The following HUWE1 variants were observed in gnomAD, a reference collection of about 807,000 sequenced individuals.
HUWE1 encodes the protein HECT, UBA and WWE domain containing E3 ubiquitin protein ligase 1.
In HUWE1, 18 loss-of-function variants were observed where a neutral mutation model predicts 299.4. The observed-to-expected ratio is 0.06, with a 90% CI of 0.04 to 0.09. HUWE1 has a LOEUF of 0.09. HUWE1 is among the 10% of genes least tolerant of loss of function. The pLI is 1.00. For synonymous variants in HUWE1, 1,317 were observed against 1,286.1 expected (o/e 1.02, Z -0.51); for missense variants, 1,832 against 3,462.3 (o/e 0.53, Z 11.82).
At chrX:53,633,078 C>T (rs782419781) in intron 8 of HUWE1, among the ~76,000 whole-genome samples, 1 of 112,497 alleles carries the variant, frequency 8.9e-6, no homozygotes, top group Non-Finnish European at 1.9e-5. Flanking sequence ...TCCTTCTATA[C>T]CATTCTACAC....
intron 3 of HUWE1, among the ~76,000 whole-genome samples, chrX:53,672,259 CCTTA>C (rs1193449611): frequency 3.7e-5 from 4 of 106,973 alleles, no homozygotes; most frequent in South Asian, 4.1e-4. Context: ...TTGTAGATGT[CCTTA>C]CTTTTTTTTT....
At chrX:53,658,048 T>TAAAAAAAAAAAAAAAAAA (rs1557043764) in intron 3 of HUWE1, among the ~76,000 whole-genome samples, 1 of 1,471 alleles carries the variant, frequency 6.8e-4, no homozygotes, top group African/African-American at 1.8e-3. Context: ...AGACTCCGTC[T>TAAAAAAAAAAAAAAAAAA]CAAAAAAAAA....
chrX:53,591,033 G>C lies in HUWE1; in HGVS notation c.4062C>G (p.Thr1354=). Residue 1354 remains threonine (T), a synonymous_variant, in exon 34 of 84, where the codon ACC becomes ACG. Transcript: ENST00000262854. ...TMEQATEYLL[T]HPPPIMGGVV... Reference sequence around the variant, plus strand: ...CTCCTCCCATGATTGGAGGAGGGTGGGTTAAAAGGTACTCTGTGGCCTGCT... The same window carrying C: ...CTCCTCCCATGATTGGAGGAGGGTGCGTTAAAAGGTACTCTGTGGCCTGCT... 8.3e-7 allele frequency: 1 copy of C among 1,210,524 alleles called. No individual in the cohort carries two copies. The highest frequency in any genetic ancestry group is 1.1e-6 in the Non-Finnish European group (1 of 894,916).
intron 60 of HUWE1, chrX:53,556,112 C>A (rs1021135041): frequency 3.2e-6 from 1 of 313,238 alleles, no homozygotes. Flanking sequence ...TGACATCTGC[C>A]TCACCCTAAA....
At chrX:53,568,637 T>C in intron 49 of HUWE1, 55 bp downstream of exon 49, 1 of 1,112,522 alleles carries the variant, frequency 9.0e-7, no homozygotes, top group South Asian at 1.9e-5. Flanking sequence ...CTCCACATCA[T>C]TCGTGTAGTG....
Position 53,551,255 on chromosome X carries a change from C to A in HUWE1, c.9096+11G>T. The A allele has an allele frequency of 8.3e-7, 1 of 1,210,326 alleles. No individual in the cohort carries two copies. Among genetic ancestry groups the A allele is most frequent in the Non-Finnish European group, 1.1e-6 (1 of 894,618 alleles). ...AGGCAGCCTGGCCCCACCACCTTCC[C>A]GCTCACATACTTCCTCCTGAATGGC... is the stretch of plus-strand genomic sequence containing the variant. On this transcript the variant is annotated intron_variant, in intron 64 of 83. Transcript: ENST00000262854.
intron 2 of HUWE1, among the ~76,000 whole-genome samples, chrX:53,683,155 A>C (rs1361157290): frequency 1.8e-5 from 2 of 111,015 alleles, no homozygotes; most frequent in Non-Finnish European, 3.8e-5. Flanking sequence ...CTTAGGCTAA[A>C]CTCGAATTTA....
chrX:53,604,560 A>G (rs1206408564), intron 26 of HUWE1, 29 bp downstream of exon 26: 2 of 1,203,057 alleles, frequency 1.7e-6, no homozygotes, highest in African/African-American at 3.5e-5. Context: ...CCTTTAAATT[A>G]ATATGTTCAC....
rs140132176 is a variant in HUWE1 at position 53,550,752 on chromosome X, T to C, written c.9402A>G (p.Leu3134=). 29 of 1,209,763 alleles carry C rather than the reference T, an allele frequency of 2.4e-5. No homozygotes were observed. The African/African-American group carries it at 3.7e-4, about 15-fold the overall frequency. Residue 3134 remains leucine (L), a synonymous_variant, in exon 66 of 84, where the codon TTA becomes TTG. Transcript: ENST00000262854. The part of the protein sequence containing the change: ...ILRSPAFTSR[L]SGNRGVQYTR... ...TATACTGGACCCCACGGTTGCCACT[T>C]AAGCGACTGGTGAAAGCTGGAAGGA...
intron 3 of HUWE1, among the ~76,000 whole-genome samples, chrX:53,671,896 A>G (rs910546861): frequency 9.9e-5 from 11 of 110,884 alleles, no homozygotes; most frequent in Non-Finnish European, 2.1e-4. Context: ...CCATTTCTAT[A>G]CTAGTTTGGA....
In HUWE1 at chrX:53,546,667, C is replaced by T. The variant is rs1399920793; in HGVS notation, c.10758+37G>A. On this transcript the variant is annotated intron_variant, in intron 69 of 83. Coordinates refer to ENST00000262854, the MANE Select transcript of HUWE1 (RefSeq NM_031407.7). ...ATTATCTACCCTGTTTATCCTTTCT[C>T]CCCAAGTCTTAGCAGATCAGAAGAG... The T allele has an allele frequency of 3.3e-6, 4 of 1,208,875 alleles. No individual in the cohort carries two copies. In the African/African-American group the frequency reaches 5.3e-5, roughly 16 times the overall value.
rs1380640583 is a variant in HUWE1, at chrX:53,578,867, C to CCCCGCCCGGCCAGCCG, written c.5717-1816_5717-1801dup. Among the ~76,000 whole-genome samples, 126 of 80,157 alleles carry CCCCGCCCGGCCAGCCG rather than the reference C, an allele frequency of 1.6e-3. 1 individual carries two copies. The highest frequency in any genetic ancestry group is 6.2e-3 in the African/African-American group (123 of 19,964). The allele number at this position is 80,157 out of a possible 115,157, so 69.6% of individuals were successfully genotyped here. The stretch of plus-strand genomic sequence containing the variant: ...CCGGGAGGGAGGTGGGGGGTCAGCC[C>CCCCGCCCGGCCAGCCG]CCCGCCCGGCCAGCCGCCCCGTCCG... On this transcript the variant is annotated intron_variant, in intron 43 of 83. Coordinates refer to ENST00000262854, the MANE Select transcript of HUWE1 (RefSeq NM_031407.7).
chrX:53,553,611 A>G (rs2061866863), intron 61 of HUWE1, among the ~76,000 whole-genome samples: 1 of 107,051 alleles, frequency 9.3e-6, no homozygotes, highest in South Asian at 4.2e-4. Context: ...GGAGTTCCAG[A>G]TAAGCCTGGC....
chrX:53,573,842 G>A lies in HUWE1; in HGVS notation c.6220C>T (p.Leu2074Phe), dbSNP rs782285671. 1.7e-6 allele frequency: 2 copies of A among 1,211,242 alleles called. No homozygotes were observed. Among genetic ancestry groups the A allele is most frequent in the Non-Finnish European group, 1.1e-6 (1 of 894,731 alleles). ...TAGGACCTCACCAACTCTGCCAGAA[G>A]ACGAAGGATAGTGGAGGTAGGCATT... ...PLMPTSTILR[L>F]LAELVRSYVG... is the part of the protein sequence containing the mutation. Residue 2074 changes from leucine to phenylalanine, a missense_variant, in exon 47 of 84, where the codon CTT (leucine) becomes TTT (phenylalanine). This residue lies in a region of HUWE1 where 157 missense variants were observed against 252.3 expected (regional missense o/e 0.62). Transcript: ENST00000262854.
intron 33 of HUWE1, 127 bp downstream of exon 33, chrX:53,592,271 G>GAAATCTAA: frequency 1.8e-6 from 1 of 545,143 alleles, no homozygotes. Flanking sequence ...AGAGAAGGAG[G>GAAATCTAA]AAATCTAAAC....
chrX:53,562,724 T>C, intron 53 of HUWE1, 107 bp downstream of exon 53: 1 of 606,682 alleles, frequency 1.6e-6, no homozygotes, highest in Non-Finnish European at 2.8e-6. Context: ...AGACAGATGC[T>C]TCCTTATTCT....
intron 26 of HUWE1, among the ~76,000 whole-genome samples, chrX:53,604,180 T>C (rs1411029004): frequency 1.8e-5 from 2 of 111,917 alleles, no homozygotes; most frequent in Non-Finnish European, 3.8e-5. Context: ...TCTGGAACTA[T>C]GGATTATGGA....
chrX:53,651,497 C>T (rs144919466), intron 4 of HUWE1, among the ~76,000 whole-genome samples: 1,524 of 111,832 alleles, frequency 0.014, 25 homozygotes, highest in African/African-American at 0.047. Context: ...CTATACACAT[C>T]CTCCTATATA....
chrX:53,680,732 T>C (rs2070088272), intron 2 of HUWE1: 1 of 112,317 alleles, frequency 8.9e-6, no homozygotes, highest in Admixed American at 9.4e-5. Flanking sequence ...ACCTAGATTA[T>C]CATTCCCAGA....
Sources: gnomAD v4.1 joint callset for allele counts (sites outside exome capture counted in the v4.1 genomes callset) on GRCh38, gnomAD v4.1.1 for gene constraint, gnomAD v4.1.1 regional missense constraint, MANE v1.5 for transcripts, NCBI Gene and HGNC (gene_info 2026-07-23, HGNC 2026-07-21) for gene names.